ACSL3: variants seen among roughly 807,000 people sequenced by gnomAD.
ACSL3 encodes fatty acid CoA ligase Acsl3.
In ACSL3, 34 loss-of-function variants were observed where a neutral mutation model predicts 84.7. The ratio of observed to expected loss-of-function variants is 0.40; its 90% CI spans 0.31 to 0.53. The LOEUF is 0.53. Ranked by LOEUF, ACSL3 falls within the 20% of genes least tolerant of loss-of-function variation. ACSL3 has a pLI of 0.48. For synonymous variants in ACSL3, 315 were observed against 299.4 expected (o/e 1.05, Z -0.54); for missense variants, 680 against 873.1 (o/e 0.78, Z 2.79).
chr2:222,941,173 T>G (rs1697295592), intron 16 of ACSL3, among the ~76,000 whole-genome samples: 1 of 152,156 alleles, frequency 6.6e-6, no homozygotes. Context: ...CAAGCGATCC[T>G]CCTGCCTGAG....
intron 8 of ACSL3, among the ~76,000 whole-genome samples, chr2:222,921,669 T>C (rs1696743885): frequency 6.6e-6 from 1 of 152,216 alleles, no homozygotes; most frequent in Non-Finnish European, 1.5e-5. Flanking sequence ...TTTGTATAGT[T>C]GTAAATCCTT....
At chr2:222,937,515 A>G (rs1697205648) in intron 16 of ACSL3, among the ~76,000 whole-genome samples, 1 of 141,454 alleles carries the variant, frequency 7.1e-6, no homozygotes, top group African/African-American at 2.5e-5. Flanking sequence ...TAATTGTTAT[A>G]TCATCCTGGA....
chr2:222,939,905 T>C (rs1222687088), intron 16 of ACSL3, among the ~76,000 whole-genome samples: 1 of 152,216 alleles, frequency 6.6e-6, no homozygotes, highest in African/African-American at 2.4e-5. Context: ...TGGCTAGCTG[T>C]TTACCCATTT....
intron 2 of ACSL3, among the ~76,000 whole-genome samples, chr2:222,893,576 C>T (rs369930586): frequency 1.3e-5 from 2 of 152,116 alleles, no homozygotes; most frequent in African/African-American, 2.4e-5. Flanking sequence ...CCATTTGATA[C>T]GTTAGTCTGA....
chr2:222,898,407 A>G (rs189665919), intron 2 of ACSL3, among the ~76,000 whole-genome samples: 2 of 152,328 alleles, frequency 1.3e-5, no homozygotes, highest in African/African-American at 4.8e-5. Flanking sequence ...TTAGTGTACA[A>G]AAACCTGCAT....
At chr2:222,901,051 C>T (rs548966145) in intron 3 of ACSL3, among the ~76,000 whole-genome samples, 42 of 152,266 alleles carry the variant, frequency 2.8e-4, no homozygotes, top group African/African-American at 9.9e-4. Context: ...TCCATCCCTA[C>T]TCCCACTCCC....
chr2:222,924,620 T>C (rs753805410), intron 11 of ACSL3, 25 bp downstream of exon 11: 5 of 1,559,446 alleles, frequency 3.2e-6, no homozygotes, highest in Admixed American at 2.0e-5. Context: ...TCTACCTCCT[T>C]CTTTCTCCTC....
rs745246 is a variant in ACSL3 at position 222,884,065 on chromosome 2, G to A, written c.-206-3765G>A. The stretch of plus-strand genomic sequence containing the variant: ...TCCACTGAGGCACTTTTTGTCTGCT[G>A]TTTGTCTCTTTCTTTGATAGTGATG... On this transcript the variant is annotated intron_variant, in intron 1 of 16. Transcript: ENST00000357430. 8.5e-3 allele frequency among the ~76,000 whole-genome samples: 1,287 copies of A among 152,198 alleles called. 20 individuals are homozygous for A. The highest frequency in any genetic ancestry group is 0.031 in the Middle Eastern group (9 of 294).
intron 1 of ACSL3, among the ~76,000 whole-genome samples, chr2:222,886,504 A>C (rs1373692495): frequency 6.6e-6 from 1 of 152,238 alleles, no homozygotes; most frequent in African/African-American, 2.4e-5. Context: ...TAAGTGATTC[A>C]AAAAAACTTA....
chr2:222,875,890 CA>C, intron 1 of ACSL3, among the ~76,000 whole-genome samples: 1 of 152,208 alleles, frequency 6.6e-6, no homozygotes, highest in South Asian at 2.1e-4. Context: ...TTCATAAAAT[CA>C]GCCAACATTT....
At chr2:222,886,307 A>G (rs764759379) in intron 1 of ACSL3, among the ~76,000 whole-genome samples, 11 of 152,066 alleles carry the variant, frequency 7.2e-5, no homozygotes, top group Non-Finnish European at 1.3e-4. Flanking sequence ...ACTCCCACTT[A>G]TGAGTGAGAG....
At chr2:222,903,407 C>A (rs1490361441) in intron 3 of ACSL3, among the ~76,000 whole-genome samples, 1 of 152,134 alleles carries the variant, frequency 6.6e-6, no homozygotes, top group African/African-American at 2.4e-5. Flanking sequence ...CTCCCAAAGT[C>A]CTGGGATTAC....
intron 7 of ACSL3, among the ~76,000 whole-genome samples, chr2:222,920,097 T>C (rs1696692512): frequency 6.6e-6 from 1 of 151,972 alleles, no homozygotes; most frequent in Non-Finnish European, 1.5e-5. Context: ...ATCAGCAGGA[T>C]CAGGGGCTGC....
intron 1 of ACSL3, among the ~76,000 whole-genome samples, chr2:222,883,477 C>G (rs1429853912): frequency 6.6e-6 from 1 of 152,172 alleles, no homozygotes; most frequent in Admixed American, 6.5e-5. Context: ...GCCACCATGC[C>G]CAGCCAGCCT....
intron 16 of ACSL3, among the ~76,000 whole-genome samples, chr2:222,935,767 T>C (rs574105489): frequency 3.0e-4 from 45 of 152,340 alleles, no homozygotes; most frequent in African/African-American, 1.0e-3. Flanking sequence ...TTTCTTTCTT[T>C]TATTGTAGTA....
At chr2:222,876,417 G>C (rs1053042394) in intron 1 of ACSL3, among the ~76,000 whole-genome samples, 2 of 152,024 alleles carry the variant, frequency 1.3e-5, no homozygotes, top group African/African-American at 4.8e-5. Context: ...AACTTCCCCA[G>C]CTCAAGTGAT....
At chr2:222,933,997 C>T (rs1456194355) in intron 15 of ACSL3, among the ~76,000 whole-genome samples, 1 of 152,080 alleles carries the variant, frequency 6.6e-6, no homozygotes, top group Non-Finnish European at 1.5e-5. Flanking sequence ...GCATCTTCTT[C>T]CTGATGTTAC....
intron 1 of ACSL3, among the ~76,000 whole-genome samples, chr2:222,879,392 T>C (rs1192566921): frequency 6.6e-6 from 1 of 151,176 alleles, no homozygotes; most frequent in Non-Finnish European, 1.5e-5. Context: ...ATCTACAACA[T>C]TTTCATTGCT....
At chr2:222,926,930 CAT>C (rs2106134783) in intron 11 of ACSL3, 85 bp from the exon 12 acceptor site, 2 of 1,393,596 alleles carry the variant, frequency 1.4e-6, no homozygotes, top group African/African-American at 1.4e-5. Flanking sequence ...CAAAATCTCT[CAT>C]ATCAAAACTG....
Sources: gnomAD v4.1 joint callset for allele counts (sites outside exome capture counted in the v4.1 genomes callset) on GRCh38, gnomAD v4.1.1 for gene constraint, MANE v1.5 for transcripts, NCBI Gene and HGNC (gene_info 2026-07-23, HGNC 2026-07-21) for gene names.